UNC13C: variants seen among roughly 807,000 people sequenced by gnomAD.
UNC13C encodes the protein unc-13 homolog C.
Under a neutral mutation model 245.4 loss-of-function variants are expected in UNC13C, and 174 were observed. That is an observed-to-expected ratio of 0.71 (90% CI 0.63 to 0.80). The LOEUF is 0.80. Ranked by LOEUF, UNC13C falls within the 30% of genes least tolerant of loss-of-function variation. The pLI, the probability that UNC13C is intolerant of heterozygous loss-of-function variation, is 0.00. For missense variants in UNC13C, 2,829 were observed against 2,602.9 expected (o/e 1.09, Z -1.89); for synonymous variants, 992 against 895.1 (o/e 1.11, Z -1.93).
At chr15:54,344,541 T>TC (rs970739406) in intron 17 of UNC13C, among the ~76,000 whole-genome samples, 2 of 152,202 alleles carry the variant, frequency 1.3e-5, no homozygotes, top group African/African-American at 4.8e-5. Context: ...AAATACTTTT[T>TC]CATCAACATT....
At chr15:54,116,060 T>A (rs1401092184) in intron 2 of UNC13C, among the ~76,000 whole-genome samples, 1 of 152,100 alleles carries the variant, frequency 6.6e-6, no homozygotes, top group East Asian at 1.9e-4. Context: ...AATTATATAG[T>A]TCAGTGGTAA....
At chr15:54,172,703 GATATATATATATATATATATATATATAT>G (rs56316345) in intron 4 of UNC13C, among the ~76,000 whole-genome samples, 3,931 of 78,450 alleles carry the variant, frequency 0.05, 261 homozygotes, top group Middle Eastern at 0.11. Context: ...TACACACACA[GATATATATATATATATATATATATATAT>G]ATATATATAT....
At chr15:54,338,682 T>C (rs1237146514) in intron 17 of UNC13C, among the ~76,000 whole-genome samples, 193 bp downstream of exon 17, 1 of 152,218 alleles carries the variant, frequency 6.6e-6, no homozygotes, top group East Asian at 1.9e-4. Context: ...CTCCTTAAAA[T>C]AACTTTATCT....
At chr15:54,213,827 C>A (rs971976139) in intron 4 of UNC13C, among the ~76,000 whole-genome samples, 1 of 151,900 alleles carries the variant, frequency 6.6e-6, no homozygotes, top group Non-Finnish European at 1.5e-5. Flanking sequence ...AACTTGCCAA[C>A]CTAACAGGTA....
upstream of UNC13C, among the ~76,000 whole-genome samples, chr15:53,977,406 T>A (rs961863513): frequency 6.6e-6 from 1 of 152,112 alleles, no homozygotes; most frequent in African/African-American, 2.4e-5. Context: ...TTAGGTGGAG[T>A]CAATTCTAAT....
chr15:54,539,556 A>G (rs1431810232), intron 26 of UNC13C, among the ~76,000 whole-genome samples: 1 of 152,014 alleles, frequency 6.6e-6, no homozygotes, highest in Admixed American at 6.6e-5. Flanking sequence ...AAACACCCCA[A>G]CATTGGTTGT....
intron 4 of UNC13C, among the ~76,000 whole-genome samples, chr15:54,206,048 A>G (rs546357382): frequency 6.6e-6 from 1 of 152,202 alleles, no homozygotes; most frequent in African/African-American, 2.4e-5. Context: ...AAATAATATA[A>G]TGAAATCAGT....
chr15:54,256,267 G>T (rs1443012199), intron 8 of UNC13C, among the ~76,000 whole-genome samples: 1 of 152,118 alleles, frequency 6.6e-6, no homozygotes, highest in East Asian at 1.9e-4. Flanking sequence ...TGACTATAGG[G>T]CATCTCGGCA....
intron 17 of UNC13C, among the ~76,000 whole-genome samples, chr15:54,386,055 A>G (rs1261186699): frequency 6.6e-6 from 1 of 152,164 alleles, no homozygotes; most frequent in African/African-American, 2.4e-5. Context: ...TTCAAGATAT[A>G]TAACACAAAA....
chr15:54,330,934 C>T (rs2038419891), intron 14 of UNC13C, among the ~76,000 whole-genome samples: 1 of 152,000 alleles, frequency 6.6e-6, no homozygotes, highest in Admixed American at 6.6e-5. Flanking sequence ...AGAGATGATA[C>T]TCAAACTTTC....
At chr15:54,268,014 G>A (rs913895483) in intron 10 of UNC13C, among the ~76,000 whole-genome samples, 1 of 151,604 alleles carries the variant, frequency 6.6e-6, no homozygotes, top group Non-Finnish European at 1.5e-5. Flanking sequence ...TGTTACATAG[G>A]TATACATGTT....
At chr15:53,852,479 G>A in the UNC13C span, among the ~76,000 whole-genome samples, 1 of 151,976 alleles carries the variant, frequency 6.6e-6, no homozygotes. Context: ...ATGTACAGAT[G>A]GATATTCAGC....
intron 2 of UNC13C, among the ~76,000 whole-genome samples, chr15:54,030,802 C>T (rs1896326194): frequency 6.6e-6 from 1 of 152,118 alleles, no homozygotes; most frequent in Non-Finnish European, 1.5e-5. Flanking sequence ...CCTCAGGTGG[C>T]AGAAGGAGGA....
At chr15:53,932,675 T>C in the UNC13C span, among the ~76,000 whole-genome samples, 2 of 152,156 alleles carry the variant, frequency 1.3e-5, no homozygotes, top group Admixed American at 6.5e-5. Flanking sequence ...TTCTTCCTAT[T>C]CCTTTCCTTT....
rs546273074 is a variant in UNC13C, at chr15:54,393,223, A to G, written c.4847+42A>G. ...GGAAATGAATGGATTTTATTCCACT[A>G]AAGTTCAAATAATACATATTTTAAG... On this transcript the variant is annotated intron_variant, in intron 18 of 32. Transcript: ENST00000260323. 1.6e-4 allele frequency: 229 copies of G among 1,449,840 alleles called. 4 individuals carry two copies. In the South Asian group the frequency reaches 3.2e-3, roughly 20 times the overall value. The allele number at this position is 1,449,840 out of a possible 1,614,324, so 89.8% of individuals were successfully genotyped here.
At chr15:53,877,895 G>A in the UNC13C span, among the ~76,000 whole-genome samples, 14 of 152,034 alleles carry the variant, frequency 9.2e-5, no homozygotes, top group African/African-American at 3.4e-4. Flanking sequence ...GATTCATTTG[G>A]ACATTCTTGA....
the UNC13C span, among the ~76,000 whole-genome samples, chr15:53,953,887 C>G: frequency 1.7e-3 from 258 of 152,342 alleles, no homozygotes; most frequent in Non-Finnish European, 3.1e-3. Flanking sequence ...CAGTCCAGAC[C>G]TGCTTGTTAA....
chr15:54,468,465 A>G (rs1316484535), intron 19 of UNC13C, among the ~76,000 whole-genome samples: 1 of 151,366 alleles, frequency 6.6e-6, no homozygotes. Context: ...GATTCATTCC[A>G]TCCATTTTTG....
chr15:54,464,677 C>T (rs1567298792), intron 19 of UNC13C, among the ~76,000 whole-genome samples: 2 of 151,980 alleles, frequency 1.3e-5, no homozygotes, highest in Non-Finnish European at 2.9e-5. Context: ...ACCTTAGATT[C>T]CCGATAGCAG....
Sources: gnomAD v4.1 joint callset for allele counts (sites outside exome capture counted in the v4.1 genomes callset) on GRCh38, gnomAD v4.1.1 for gene constraint, MANE v1.5 for transcripts, NCBI Gene and HGNC (gene_info 2026-07-23, HGNC 2026-07-21) for gene names.